CAMK2B: variants seen among roughly 807,000 people sequenced by gnomAD.
CAMK2B encodes the protein calcium/calmodulin dependent protein kinase II beta.
A neutral mutation model predicts 93.7 loss-of-function variants in CAMK2B; 27 were observed. That is an observed-to-expected ratio of 0.29 (90% CI 0.21 to 0.40). The LOEUF (loss-of-function observed/expected upper bound fraction) is 0.40. Ranked by LOEUF, CAMK2B falls within the 10% of genes least tolerant of loss-of-function variation. The pLI, the probability that CAMK2B is intolerant of heterozygous loss-of-function variation, is 1.00. For missense variants in CAMK2B, 568 were observed against 895.8 expected, an observed-to-expected ratio of 0.63 and a Z score of 4.67; for synonymous variants, 374 against 358.8, an observed-to-expected ratio of 1.04 and a Z score of -0.48.
chr7:44,234,313 G>GC (rs2096605591), intron 15 of CAMK2B, 77 bp downstream of exon 15: 6 of 1,322,204 alleles, frequency 4.5e-6, no homozygotes, highest in Non-Finnish European at 6.1e-6. Context: ...CCTTCACCCG[G>GC]CCCCCTCTGA....
At position 44,229,416 on chromosome 7, in the gene CAMK2B, C is replaced by G. The variant is rs575970166; in HGVS notation, c.1311G>C (p.Pro437=). ...EAEGPLPCPS[P]APFSPLPAPS... is the part of the protein sequence containing the mutation. ...GGGCTGGCAGGGGGCTAAAGGGAGCCGGAGATGGGCAGGGCAGGGGCCCCT... is the reference window on the plus strand; with the variant it reads ...GGGCTGGCAGGGGGCTAAAGGGAGCGGGAGATGGGCAGGGCAGGGGCCCCT... The change falls in exon 18 of 24, where the codon CCG becomes CCC. Residue 437 remains proline, a synonymous_variant. Transcript: ENST00000395749. 6.6e-7 allele frequency: 1 copy of G among 1,516,626 alleles called. No homozygotes were observed. The highest frequency in any genetic ancestry group is 2.3e-5 in the Admixed American group (1 of 44,368). The allele number at this position is 1,516,626 out of a possible 1,614,324, so 93.9% of individuals were successfully genotyped here.
At chr7:44,313,891 C>T (rs1473787776) in intron 1 of CAMK2B, among the ~76,000 whole-genome samples, 1 of 151,666 alleles carries the variant, frequency 6.6e-6, no homozygotes, top group East Asian at 2.0e-4. Context: ...CTTCTTCTCA[C>T]AGTTTTTTGT....
At chr7:44,282,126 A>T (rs2097106879) in intron 2 of CAMK2B, among the ~76,000 whole-genome samples, 1 of 152,152 alleles carries the variant, frequency 6.6e-6, no homozygotes, top group African/African-American at 2.4e-5. Flanking sequence ...TCTCCATGGC[A>T]CCCTGTGACA....
At chr7:44,261,136 A>C (rs1323195312) in intron 3 of CAMK2B, among the ~76,000 whole-genome samples, 1 of 152,114 alleles carries the variant, frequency 6.6e-6, no homozygotes, top group African/African-American at 2.4e-5. Flanking sequence ...CTGCGTCCCT[A>C]AGACATGGGA....
At chr7:44,313,584 CA>C (rs763558599) in intron 1 of CAMK2B, among the ~76,000 whole-genome samples, 3 of 151,526 alleles carry the variant, frequency 2.0e-5, no homozygotes, top group Non-Finnish European at 2.9e-5. Flanking sequence ...TTCCTAGTCA[CA>C]GCGGAACCCT....
intron 6 of CAMK2B, 106 bp from the exon 7 acceptor site, chr7:44,243,633 G>A (rs2096703251): frequency 2.4e-6 from 2 of 848,578 alleles, no homozygotes; most frequent in Non-Finnish European, 1.9e-6. Context: ...GTTTGCAAGA[G>A]ACAGGTGCAC....
rs1793437094 is a variant in CAMK2B at position 44,311,142 on chromosome 7, C to T, written c.65+14215G>A. Among the ~76,000 whole-genome samples the T allele has an allele frequency of 6.6e-6, 1 of 152,116 alleles. No homozygotes were observed. Among genetic ancestry groups the T allele is most frequent in the African/African-American group, 2.4e-5 (1 of 41,412 alleles). On this transcript the variant is annotated intron_variant, in intron 1 of 23. Coordinates refer to ENST00000395749, the MANE Select transcript of CAMK2B (RefSeq NM_001220.5). This position sits in a 1 kb window ranked among gnomAD's most constrained non-coding sequence, Gnocchi z 4.2. ...AGGCTGGAGTGCAATGGCGTGATCT[C>T]GGCTCACTGCAACCTCTGCAACCCC... is the stretch of plus-strand genomic sequence containing the variant.
chr7:44,228,797 C>A lies in CAMK2B; in HGVS notation c.1467G>T (p.Pro489=). 1.3e-6 allele frequency: 2 copies of A among 1,485,434 alleles called. No homozygotes were observed. Among genetic ancestry groups the A allele is most frequent in the Non-Finnish European group, 1.8e-6 (2 of 1,120,970 alleles). The allele number at this position is 1,485,434 out of a possible 1,614,324, so 92.0% of individuals were successfully genotyped here. Residue 489 remains proline, a splice_region_variant and synonymous_variant, in exon 19 of 24, where the codon CCG becomes CCT. Coordinates refer to ENST00000395749, the MANE Select transcript of CAMK2B (RefSeq NM_001220.5). ...GCAGGCCTGGGGGCCACTACTTACA[C>A]GGGGAGGACAGGGGGCCTAGGAGAG... ...SPALLGPLSS[P]SPRISDILNS...
intron 22 of CAMK2B, 99 bp from the exon 23 acceptor site, chr7:44,220,393 C>A: frequency 2.0e-6 from 2 of 1,018,674 alleles, no homozygotes; most frequent in South Asian, 3.0e-5. Flanking sequence ...TCTCAACTCC[C>A]CTTATTGGGG....
rs562147076 is a variant in CAMK2B, at chr7:44,283,710, G to A, written c.160+421C>T. 5.3e-5 allele frequency among the ~76,000 whole-genome samples: 8 copies of A among 152,310 alleles called. No homozygotes were observed. The East Asian group carries it at 9.6e-4, about 18-fold the overall frequency. ...GTCACTGAGCTCTCATCTGGCCCACGGCTCTCAGGGCAGATGACACCACCC... is the reference window on the plus strand; with the variant it reads ...GTCACTGAGCTCTCATCTGGCCCACAGCTCTCAGGGCAGATGACACCACCC... On this transcript the variant is annotated intron_variant, in intron 2 of 23. Coordinates refer to ENST00000395749, the MANE Select transcript of CAMK2B (RefSeq NM_001220.5).
chr7:44,304,770 T>C (rs974150517), intron 1 of CAMK2B, among the ~76,000 whole-genome samples: 2 of 152,206 alleles, frequency 1.3e-5, no homozygotes, highest in African/African-American at 4.8e-5. Context: ...AATATATTAA[T>C]ATTGGTCCAT....
chr7:44,225,738 C>T lies in CAMK2B; in HGVS notation c.1597+778G>A. Reference sequence around the variant, plus strand: ...TGCAGAGGGGACGGTGGCAAGCAGACCCCACCTGTCCCTCAAGTACTTACC... The same window carrying T: ...TGCAGAGGGGACGGTGGCAAGCAGATCCCACCTGTCCCTCAAGTACTTACC... On this transcript the variant is annotated intron_variant, in intron 20 of 23. Coordinates refer to ENST00000395749, the MANE Select transcript of CAMK2B (RefSeq NM_001220.5). This position sits in a 1 kb window ranked among gnomAD's most constrained non-coding sequence, Gnocchi z 5.0. The T allele has an allele frequency of 7.8e-7, 1 of 1,289,338 alleles. No individual in the cohort carries two copies. The highest frequency in any genetic ancestry group is 1.0e-6 in the Non-Finnish European group (1 of 988,680). 79.9% of individuals were successfully genotyped at this position (1,289,338 alleles called of 1,614,324 possible). A position where few individuals can be genotyped will look rare whatever the true frequency, so the allele number is the denominator to read the frequency against.
intron 1 of CAMK2B, among the ~76,000 whole-genome samples, chr7:44,291,961 T>C (rs1468675498): frequency 2.6e-5 from 4 of 152,150 alleles, no homozygotes; most frequent in Non-Finnish European, 4.4e-5. Context: ...AGAGCTAAAG[T>C]CTTAACTTAT....
rs1445513642 is a variant in CAMK2B, at chr7:44,242,665, G to T, written c.602-11C>A. ...TGTACAGGATCACCCCTGCGGATGG[G>T]GCCTGTGAGCACCGCAGCCACTTGC... On this transcript the variant is annotated splice_polypyrimidine_tract_variant and intron_variant, in intron 8 of 23. Transcript: ENST00000395749. 6.3e-7 allele frequency: 1 copy of T among 1,594,706 alleles called. No individual in the cohort carries two copies.
At chr7:44,252,812 C>G (rs758749771) in intron 5 of CAMK2B, among the ~76,000 whole-genome samples, 1 of 152,234 alleles carries the variant, frequency 6.6e-6, no homozygotes, top group Non-Finnish European at 1.5e-5. Context: ...AGCAGGGGGA[C>G]AGGGCTCCGT....
chr7:44,307,033 GGGA>G (rs1791938223), intron 1 of CAMK2B, among the ~76,000 whole-genome samples: 2 of 137,698 alleles, frequency 1.5e-5, no homozygotes, highest in Non-Finnish European at 3.2e-5. Flanking sequence ...GGTGTGAGCA[GGGA>G]GAGGAGGCGG....
chr7:44,231,028 G>T lies in CAMK2B; in HGVS notation c.1203C>A (p.Thr401=). The part of the protein sequence containing the change: ...IKESSDSANT[T]IEDEDAKAPR... ...TACCTTTAGCGTCTTCATCCTCTAT[G>T]GTGGTATTGGCACTGTCAGAAGACT... Residue 401 remains threonine, a synonymous_variant, in exon 17 of 24, where the codon ACC becomes ACA. Transcript: ENST00000395749. 1 of 1,555,194 alleles carries T rather than the reference G, an allele frequency of 6.4e-7. No individual in the cohort carries two copies. Among genetic ancestry groups the T allele is most frequent in the East Asian group, 2.4e-5 (1 of 41,158 alleles).
chr7:44,277,953 G>A (rs1480529417), intron 2 of CAMK2B, among the ~76,000 whole-genome samples: 1 of 152,260 alleles, frequency 6.6e-6, no homozygotes, highest in East Asian at 1.9e-4. Context: ...CCCAGGCAGA[G>A]CCTGGGCCCA....
chr7:44,312,237 A>G lies in CAMK2B; in HGVS notation c.65+13120T>C, dbSNP rs1264063121. ...GAGTGGAATTTAAAATGACAACTCTATTCCAGCATCCTCAGCCCACACTGG... is the reference window on the plus strand; with the variant it reads ...GAGTGGAATTTAAAATGACAACTCTGTTCCAGCATCCTCAGCCCACACTGG... On this transcript the variant is annotated intron_variant, in intron 1 of 23. Transcript: ENST00000395749. This position sits in a 1 kb window ranked among gnomAD's most constrained non-coding sequence, Gnocchi z 4.1. Among the ~76,000 whole-genome samples the G allele has an allele frequency of 6.6e-6, 1 of 151,658 alleles. No individual in the cohort carries two copies. Among genetic ancestry groups the G allele is most frequent in the East Asian group, 1.9e-4 (1 of 5,136 alleles).
Sources: gnomAD v4.1 joint callset for allele counts (sites outside exome capture counted in the v4.1 genomes callset) on GRCh38, gnomAD v4.1.1 for gene constraint, Gnocchi (gnomAD v3.1) non-coding constraint, MANE v1.5 for transcripts, NCBI Gene and HGNC (gene_info 2026-07-23, HGNC 2026-07-21) for gene names.